RNF38: variants seen among roughly 807,000 people sequenced by gnomAD.
RNF38 encodes E3 ubiquitin-protein ligase RNF38.
A neutral mutation model predicts 67.2 loss-of-function variants in RNF38; 15 were observed. The ratio of observed to expected loss-of-function variants is 0.22; its 90% CI spans 0.15 to 0.34. The LOEUF (loss-of-function observed/expected upper bound fraction) is 0.34, where lower values mean the gene tolerates loss of function less well. Among genes scored for constraint, RNF38 ranks in the 10% least tolerant of loss-of-function variants. RNF38 has a pLI of 1.00. For missense variants in RNF38, 524 were observed against 639.9 expected, an observed-to-expected ratio of 0.82 and a Z score of 1.95; for synonymous variants, 220 against 218.8, an observed-to-expected ratio of 1.01 and a Z score of -0.05.
upstream of RNF38, among the ~76,000 whole-genome samples, chr9:36,404,479 G>T (rs1268377829): frequency 6.6e-6 from 1 of 152,196 alleles, no homozygotes; most frequent in African/African-American, 2.4e-5. Context: ...AGGTGAAATT[G>T]CTGGGATTTT....
chr9:36,340,959 T>C (rs1396109295), intron 11 of RNF38, among the ~76,000 whole-genome samples: 2 of 152,116 alleles, frequency 1.3e-5, no homozygotes, highest in African/African-American at 4.8e-5. Context: ...CCTCTTTTCA[T>C]CTAGTTGCTA....
In RNF38 at chr9:36,357,912, T is replaced by C; in HGVS notation, c.601A>G (p.Thr201Ala). 6.2e-7 allele frequency: 1 copy of C among 1,613,980 alleles called. No homozygotes were observed. The highest frequency in any genetic ancestry group is 8.5e-7 in the Non-Finnish European group (1 of 1,179,938). ...CCATGTGGTGCCACTGTTGTTACTG[T>C]GTAAGAAACAGGGACTGTTCCTTGA... ...LHQGTVPVSY[T>A]VTTVAPHGIP... The change falls in exon 5 of 12, where the codon ACA becomes GCA. Residue 201 changes from threonine to alanine, a missense_variant. By Grantham distance (58) the Thr-to-Ala change is moderately conservative. Around this residue, in one of 2 missense-constraint regions of RNF38, gnomAD observed 461 missense variants for 517.4 expected, o/e 0.89. Coordinates refer to ENST00000259605, the MANE Select transcript of RNF38 (RefSeq NM_022781.5).
Position 36,379,928 on chromosome 9 carries a change from A to G in RNF38, c.163-3801T>C, listed in dbSNP as rs768066940. Among the ~76,000 whole-genome samples, 18 of 152,208 alleles carry G rather than the reference A, an allele frequency of 1.2e-4. 1 individual carries two copies. The highest frequency in any genetic ancestry group is 2.2e-4 in the Non-Finnish European group (15 of 68,038). ...TCTTTGAGTGGAATGGGTAGTCAGAAGATTACATTCACTTTTCCATGGGCC... is the reference window on the plus strand; with the variant it reads ...TCTTTGAGTGGAATGGGTAGTCAGAGGATTACATTCACTTTTCCATGGGCC... On this transcript the variant is annotated intron_variant, in intron 2 of 11. Coordinates refer to ENST00000259605, the MANE Select transcript of RNF38 (RefSeq NM_022781.5).
intron 2 of RNF38, among the ~76,000 whole-genome samples, chr9:36,414,376 G>T (rs918992260): frequency 6.6e-6 from 1 of 152,046 alleles, no homozygotes; most frequent in African/African-American, 2.4e-5. Flanking sequence ...CTATTTTGGT[G>T]TACTTTGAAG....
rs577039228 is a variant in RNF38, at chr9:36,434,919, G to A, written n.242-10236C>T. On this transcript the variant is annotated intron_variant and non_coding_transcript_variant, in intron 1 of 3. Coordinates refer to the RNF38 transcript ENST00000488058. ...GTGATCAATATTTGCTCAACAGAAT[G>A]AGTAAAATCAATTATTTTAAAGGCT... Among the ~76,000 whole-genome samples the A allele has an allele frequency of 2.0e-5, 3 of 152,056 alleles. No homozygotes were observed. The South Asian group carries it at 6.3e-4, about 32-fold the overall frequency.
At chr9:36,454,105 C>A (rs535735502) in intron 1 of RNF38, among the ~76,000 whole-genome samples, 2 of 151,914 alleles carry the variant, frequency 1.3e-5, no homozygotes, top group South Asian at 4.2e-4. Flanking sequence ...TACAATACCA[C>A]AAATACATAA....
At chr9:36,402,687 A>T (rs1434464189), upstream of RNF38, among the ~76,000 whole-genome samples, 1 of 152,070 alleles carries the variant, frequency 6.6e-6, no homozygotes. Flanking sequence ...CAGCAGCAAA[A>T]ATCTATTACA....
intron 1 of RNF38, among the ~76,000 whole-genome samples, chr9:36,462,682 T>TC (rs2134380212): frequency 6.6e-6 from 1 of 152,164 alleles, no homozygotes; most frequent in Admixed American, 6.5e-5. Context: ...GATTGATTTT[T>TC]TTTTTTTTTT....
In RNF38 at chr9:36,352,731, A is replaced by G; in HGVS notation, c.1178+11T>C. Reference sequence around the variant, plus strand: ...AAAATTCAGAAATCATTAAGATAAGAAAGAACTTACAACACATATGGCAGT... The same window carrying G: ...AAAATTCAGAAATCATTAAGATAAGGAAGAACTTACAACACATATGGCAGT... On this transcript the variant is annotated intron_variant, in intron 8 of 11. Transcript: ENST00000259605. 1 of 1,578,346 alleles carries G rather than the reference A, an allele frequency of 6.3e-7. No individual in the cohort carries two copies. The highest frequency in any genetic ancestry group is 8.7e-7 in the Non-Finnish European group (1 of 1,147,526).
intron 4 of RNF38, among the ~76,000 whole-genome samples, chr9:36,365,966 A>G (rs1834926438): frequency 6.6e-6 from 1 of 152,130 alleles, no homozygotes; most frequent in African/African-American, 2.4e-5. Flanking sequence ...TGCCTGGCCA[A>G]GACTGATAGT....
chr9:36,351,817 T>C (rs547884254), intron 8 of RNF38, among the ~76,000 whole-genome samples: 4 of 152,318 alleles, frequency 2.6e-5, no homozygotes, highest in African/African-American at 7.2e-5. Flanking sequence ...TTCTGGGACA[T>C]ATCCTTGAGA....
At chr9:36,414,737 G>A (rs10972889) in intron 2 of RNF38, among the ~76,000 whole-genome samples, 1 of 150,904 alleles carries the variant, frequency 6.6e-6, no homozygotes, top group Non-Finnish European at 1.5e-5. Context: ...AGTTCCTGTA[G>A]TGCTGGCTTG....
At chr9:36,423,510 G>A (rs187064123) in intron 2 of RNF38, among the ~76,000 whole-genome samples, 7 of 152,228 alleles carry the variant, frequency 4.6e-5, no homozygotes, top group Non-Finnish European at 7.3e-5. Flanking sequence ...CATATAACAC[G>A]CAGAAAATGG....
At chr9:36,450,972 T>C (rs1839423339) in intron 1 of RNF38, among the ~76,000 whole-genome samples, 1 of 152,122 alleles carries the variant, frequency 6.6e-6, no homozygotes, top group Non-Finnish European at 1.5e-5. Flanking sequence ...AGAACAGAAC[T>C]CCCTTATGAT....
rs895305718 is a variant in RNF38, at chr9:36,487,531, A to G, written n.18T>C. On this transcript the variant is annotated non_coding_transcript_exon_variant, in exon 1 of 4. Transcript: ENST00000488058. ...CGGCGGCTGCTGAGGCGGCGGCGGC[A>G]GCGACCGCGGCGGCCGCGCTTCCGC... is the stretch of plus-strand genomic sequence containing the variant. The G allele has an allele frequency of 6.4e-5, 63 of 979,660 alleles. No homozygotes were observed. In the African/African-American group the frequency reaches 7.8e-4, roughly 12 times the overall value. 60.7% of individuals were successfully genotyped at this position (979,660 alleles called of 1,614,324 possible). A position where few individuals can be genotyped will look rare whatever the true frequency, so the allele number is the denominator to read the frequency against.
upstream of RNF38, chr9:36,400,309 G>A: frequency 7.9e-7 from 1 of 1,272,924 alleles, no homozygotes; most frequent in Non-Finnish European, 1.0e-6. Flanking sequence ...GCGTTCTCCT[G>A]GGTGACATCA....
intron 3 of RNF38, among the ~76,000 whole-genome samples, chr9:36,370,437 A>G (rs1835290115): frequency 6.6e-6 from 1 of 152,218 alleles, no homozygotes; most frequent in Admixed American, 6.5e-5. Flanking sequence ...TGAAATAACC[A>G]AAGAACATAT....
chr9:36,400,695 C>G, upstream of RNF38: 2 of 986,022 alleles, frequency 2.0e-6, no homozygotes, highest in Non-Finnish European at 2.4e-6. Flanking sequence ...GGAACCCCGG[C>G]TCCAACTTAG....
chr9:36,425,794 G>A (rs1838754362), intron 1 of RNF38, among the ~76,000 whole-genome samples: 1 of 152,230 alleles, frequency 6.6e-6, no homozygotes, highest in Non-Finnish European at 1.5e-5. Context: ...GCACACGACT[G>A]TGGACCAAAG....
Sources: gnomAD v4.1 joint callset for allele counts (sites outside exome capture counted in the v4.1 genomes callset) on GRCh38, gnomAD v4.1.1 for gene constraint, gnomAD v4.1.1 regional missense constraint, MANE v1.5 for transcripts, NCBI Gene and HGNC (gene_info 2026-07-23, HGNC 2026-07-21) for gene names.